Variants in UTP6 observed in about 807,000 individuals in gnomAD.
UTP6 encodes U3 small nucleolar RNA-associated protein 6 homolog.
A neutral mutation model predicts 96.5 loss-of-function variants in UTP6; 60 were observed. That is an observed-to-expected ratio of 0.62 (90% CI 0.51 to 0.77). The LOEUF (loss-of-function observed/expected upper bound fraction) is 0.77. Ranked by LOEUF, UTP6 falls within the 30% of genes least tolerant of loss-of-function variation. The pLI is 0.00. For synonymous variants in UTP6, 215 were observed against 240.1 expected (o/e 0.90, Z 0.96); for missense variants, 637 against 706.5 (o/e 0.90, Z 1.12).
At chr17:31,891,079 C>T (rs2142318336) in intron 6 of UTP6, among the ~76,000 whole-genome samples, 1 of 152,310 alleles carries the variant, frequency 6.6e-6, no homozygotes, top group South Asian at 2.1e-4. Context: ...AGTTAACATT[C>T]TAGCTATTTC....
intron 2 of UTP6, among the ~76,000 whole-genome samples, chr17:31,898,672 C>A (rs1904795092): frequency 6.6e-6 from 1 of 152,150 alleles, no homozygotes; most frequent in African/African-American, 2.4e-5. Flanking sequence ...CAACTGCACT[C>A]CAGCCTGGGT....
At chr17:31,895,467 A>G (rs1364309330) in intron 2 of UTP6, among the ~76,000 whole-genome samples, 1 of 152,174 alleles carries the variant, frequency 6.6e-6, no homozygotes, top group Non-Finnish European at 1.5e-5. Context: ...ACTTTATTAT[A>G]ATGATGTCTT....
chr17:31,874,507 C>G lies in UTP6; in HGVS notation c.1305+727G>C, dbSNP rs142125547. 2.9e-3 allele frequency among the ~76,000 whole-genome samples: 448 copies of G among 152,188 alleles called. 1 individual carries two copies. The highest frequency in any genetic ancestry group is 9.8e-3 in the African/African-American group (407 of 41,548). ...GTTGCAGTGAGCCAAGTTTGCACCA[C>G]TGCACTCCAGCCTGGGCAACAGAAC... On this transcript the variant is annotated intron_variant, in intron 14 of 18. Transcript: ENST00000261708.
intron 10 of UTP6, 104 bp from the exon 11 acceptor site, chr17:31,880,858 G>A (rs1910790485): frequency 4.1e-6 from 6 of 1,467,734 alleles, no homozygotes; most frequent in Non-Finnish European, 5.6e-6. Flanking sequence ...GGACATCCCT[G>A]TAACAACTGC....
chr17:31,869,648 C>A (rs1185875587), intron 16 of UTP6, among the ~76,000 whole-genome samples: 1 of 152,180 alleles, frequency 6.6e-6, no homozygotes, highest in African/African-American at 2.4e-5. Context: ...CAGTGCCTGG[C>A]CCATCAGCCA....
chr17:31,887,088 A>G (rs1598111456), intron 8 of UTP6, 148 bp downstream of exon 8: 1 of 625,664 alleles, frequency 1.6e-6, no homozygotes. Context: ...GTGCCACTGC[A>G]CTCCAGCCTG....
intron 16 of UTP6, among the ~76,000 whole-genome samples, 191 bp from the exon 17 acceptor site, chr17:31,868,303 A>G (rs1212641044): frequency 1.4e-5 from 2 of 145,850 alleles, no homozygotes; most frequent in Non-Finnish European, 3.0e-5. Context: ...CTTTCTCTTC[A>G]TACCCAGTTC....
In UTP6 at chr17:31,901,687, T is replaced by C. The variant is rs1057057782; in HGVS notation, c.-60A>G. The C allele has an allele frequency of 1.9e-5, 30 of 1,560,192 alleles. No homozygotes were observed. Among genetic ancestry groups the C allele is most frequent in the Non-Finnish European group, 2.3e-5 (26 of 1,138,288 alleles). ...TCAACAGCGAACACGAGCAGGAAGC[T>C]CCCGGTTTCAGGTTCGGAGACCCAG... On this transcript the variant is annotated 5_prime_UTR_variant, in exon 1 of 19. Transcript: ENST00000261708.
chr17:31,869,043 G>A (rs957957257), intron 16 of UTP6, among the ~76,000 whole-genome samples: 6 of 152,128 alleles, frequency 3.9e-5, no homozygotes, highest in Admixed American at 2.6e-4. Flanking sequence ...CCTGGGAGGC[G>A]GAGGCTGCAG....
chr17:31,880,543 T>C, intron 11 of UTP6, 30 bp downstream of exon 11: 2 of 1,613,862 alleles, frequency 1.2e-6, no homozygotes, highest in Non-Finnish European at 1.7e-6. Context: ...CTATTCCTTC[T>C]ATATCACACC....
intron 2 of UTP6, among the ~76,000 whole-genome samples, chr17:31,898,615 T>C (rs1044635425): frequency 1.3e-5 from 2 of 152,108 alleles, no homozygotes; most frequent in East Asian, 1.9e-4. Context: ...GGAGAATCAC[T>C]TGAACCCAGG....
chr17:31,898,398 C>A (rs1373970162), intron 2 of UTP6, among the ~76,000 whole-genome samples: 1 of 151,940 alleles, frequency 6.6e-6, no homozygotes, highest in Non-Finnish European at 1.5e-5. Context: ...TGGTTGTGGG[C>A]ACCTGTAATC....
At chr17:31,886,168 A>C in intron 8 of UTP6, 107 bp from the exon 9 acceptor site, 1 of 857,470 alleles carries the variant, frequency 1.2e-6, no homozygotes, top group South Asian at 1.6e-5. Context: ...ACCACTGGTA[A>C]ATCATGTCTC....
intron 5 of UTP6, 122 bp downstream of exon 5, chr17:31,892,625 C>A: frequency 8.7e-7 from 1 of 1,154,068 alleles, no homozygotes; most frequent in Non-Finnish European, 1.3e-6. Flanking sequence ...GATGTTCCGC[C>A]TTCTTGGGTT....
chr17:31,870,772 C>T lies in UTP6; in HGVS notation c.1496+2606G>A, dbSNP rs1910119690. Among the ~76,000 whole-genome samples, 3 of 151,570 alleles carry T rather than the reference C, an allele frequency of 2.0e-5. No homozygotes were observed. In the South Asian group the frequency reaches 6.2e-4, roughly 32 times the overall value. ...TCTCCTGACCTCGTGATCCGTCTGC[C>T]TCGACCTCCCAAAGTGCTGGGATTA... is the stretch of plus-strand genomic sequence containing the variant. On this transcript the variant is annotated intron_variant, in intron 16 of 18. Coordinates refer to ENST00000261708, the MANE Select transcript of UTP6 (RefSeq NM_018428.3).
chr17:31,870,849 T>A (rs1397464141), intron 16 of UTP6, among the ~76,000 whole-genome samples: 1 of 151,838 alleles, frequency 6.6e-6, no homozygotes, highest in East Asian at 1.9e-4. Flanking sequence ...AGGGTCTCAC[T>A]CTGTCACCAA....
intron 14 of UTP6, chr17:31,874,045 T>A: frequency 3.2e-6 from 1 of 311,746 alleles, no homozygotes; most frequent in Non-Finnish European, 5.8e-6. Context: ...AGCAACACTC[T>A]TCTGTGAATT....
Position 31,861,558 on chromosome 17 carries a change from T to C in UTP6, c.*1801A>G, listed in dbSNP as rs1909558862. 1 of 151,834 alleles carries C rather than the reference T, an allele frequency of 6.6e-6. No individual in the cohort carries two copies. Among genetic ancestry groups the C allele is most frequent in the Non-Finnish European group, 1.5e-5 (1 of 67,982 alleles). The allele number at this position is 151,834 out of a possible 1,614,324, so 9.4% of individuals were successfully genotyped here. A position where few individuals can be genotyped will look rare whatever the true frequency, so the allele number is the denominator to read the frequency against. ...TTGAGCCCAGAAGTTAAGGCTGTAG[T>C]GAGCCATGATCACACCACTGCACTC... On this transcript the variant is annotated 3_prime_UTR_variant, in exon 19 of 19. Coordinates refer to ENST00000261708, the MANE Select transcript of UTP6 (RefSeq NM_018428.3).
At position 31,894,268 on chromosome 17, in the gene UTP6, CAAAAAAAAAAAAAAAAG is replaced by C. The variant is rs1383560165; in HGVS notation, c.312+360_312+376del. Among the ~76,000 whole-genome samples, 5 of 63,030 alleles carry C rather than the reference CAAAAAAAAAAAAAAAAG, an allele frequency of 7.9e-5. No homozygotes were observed. The East Asian group carries it at 2.1e-3, about 26-fold the overall frequency. 41.4% of individuals were successfully genotyped at this position (63,030 alleles called of 152,430 possible). ...TGGGCAACACAGTGAGACCTTATCT[CAAAAAAAAAAAAAAAAG>C]AAAAAAAAAAAAATCAAGTTTCTGA... On this transcript the variant is annotated intron_variant, in intron 4 of 18. Coordinates refer to ENST00000261708, the MANE Select transcript of UTP6 (RefSeq NM_018428.3).
Sources: allele counts gnomAD v4.1 joint callset (sites outside exome capture counted in the v4.1 genomes callset), GRCh38; gene constraint gnomAD v4.1.1; transcripts MANE v1.5; gene names NCBI Gene and HGNC (gene_info 2026-07-23, HGNC 2026-07-21).